Variants in MROH2B observed in about 807,000 individuals in gnomAD.
The protein encoded by MROH2B is maestro heat-like repeat-containing protein family member 2B.
Under a neutral mutation model 208.6 loss-of-function variants are expected in MROH2B, and 177 were observed. The ratio of observed to expected loss-of-function variants is 0.85; its 90% CI spans 0.75 to 0.96. The LOEUF (loss-of-function observed/expected upper bound fraction) is 0.96. MROH2B is among the 40% of genes least tolerant of loss of function. MROH2B has a pLI of 0.00. For missense variants in MROH2B, 2,002 were observed against 1,878.7 expected (o/e 1.07, Z -1.21); for synonymous variants, 728 against 659.0 (o/e 1.10, Z -1.60).
At chr5:41,025,158 C>A (rs187592760) in intron 24 of MROH2B, among the ~76,000 whole-genome samples, 23 of 151,794 alleles carry the variant, frequency 1.5e-4, no homozygotes, top group Admixed American at 8.6e-4. Flanking sequence ...TTCAAAAGCT[C>A]GCAGAAGGCA....
At chr5:41,061,485 G>T in intron 6 of MROH2B, 85 bp downstream of exon 6, 3 of 1,215,138 alleles carry the variant, frequency 2.5e-6, no homozygotes, top group South Asian at 4.6e-5. Flanking sequence ...AAAATACTGA[G>T]CCTAATTATC....
At chr5:40,999,055 A>G (rs1741303434) in intron 40 of MROH2B, among the ~76,000 whole-genome samples, 1 of 152,200 alleles carries the variant, frequency 6.6e-6, no homozygotes, top group South Asian at 2.1e-4. Flanking sequence ...ATTTGGCCTT[A>G]AAGGTGGTGA....
chr5:41,069,355 T>C (rs1234534429), intron 2 of MROH2B, among the ~76,000 whole-genome samples: 4 of 152,216 alleles, frequency 2.6e-5, no homozygotes, highest in African/African-American at 9.6e-5. Context: ...GAAGAGCTTT[T>C]GGGATTTTTG....
chr5:41,042,016 G>T, intron 19 of MROH2B, 76 bp downstream of exon 19: 1 of 697,874 alleles, frequency 1.4e-6, no homozygotes, highest in Non-Finnish European at 2.4e-6. Flanking sequence ...TATTATAAAA[G>T]CTGTCAGAGG....
rs751753945 is a variant in MROH2B, at chr5:41,048,354, G to A, written c.1654C>T (p.Arg552Cys). The A allele has an allele frequency of 9.9e-6, 16 of 1,613,256 alleles. No individual in the cohort carries two copies. The highest frequency in any genetic ancestry group is 1.3e-5 in the Non-Finnish European group (15 of 1,179,596). ...AGAGGCTGCAGAAGCTCAGGTAAAC[G>A]TGTTTTCCATAGGTCTACCAATTTT... ...HPKLVDLWKT[R>C]LPELLQPLEG... Residue 552 changes from arginine (R) to cysteine (C), a missense_variant, in exon 16 of 42, where the codon CGT becomes TGT. Arg to Cys is a radical substitution (Grantham distance 180). Coordinates refer to ENST00000399564, the MANE Select transcript of MROH2B (RefSeq NM_173489.5).
chr5:41,014,089 C>T (rs1416611229), intron 29 of MROH2B, among the ~76,000 whole-genome samples: 5 of 152,144 alleles, frequency 3.3e-5, no homozygotes, highest in Non-Finnish European at 7.3e-5. Flanking sequence ...GGAATATGAG[C>T]CCCGTCCTCA....
At chr5:41,023,413 G>A (rs1036651959) in intron 24 of MROH2B, among the ~76,000 whole-genome samples, 13 of 152,158 alleles carry the variant, frequency 8.5e-5, no homozygotes, top group African/African-American at 2.2e-4. Flanking sequence ...TTCAGTAGCC[G>A]ATTCGATCAA....
chr5:41,052,917 G>T (rs1743328660), intron 11 of MROH2B, among the ~76,000 whole-genome samples: 1 of 152,142 alleles, frequency 6.6e-6, no homozygotes, highest in Non-Finnish European at 1.5e-5. Context: ...TGCTCAAAAA[G>T]TTTTGGATTT....
chr5:41,023,189 G>A (rs1223676775), intron 24 of MROH2B, among the ~76,000 whole-genome samples: 3 of 152,188 alleles, frequency 2.0e-5, no homozygotes, highest in African/African-American at 4.8e-5. Context: ...AAAGCTGGAC[G>A]GAGAATGACT....
intron 23 of MROH2B, 91 bp from the exon 24 acceptor site, chr5:41,032,912 TG>T (rs761882865): frequency 3.4e-5 from 52 of 1,550,038 alleles, no homozygotes; most frequent in Admixed American, 9.6e-5. Flanking sequence ...TTGGGTGCCC[TG>T]GGTCATAAAC....
chr5:41,045,451 A>G (rs1332568369), intron 18 of MROH2B, among the ~76,000 whole-genome samples: 3 of 152,114 alleles, frequency 2.0e-5, no homozygotes, highest in Non-Finnish European at 4.4e-5. Context: ...TCCAGTATCT[A>G]TTCTTCTTCC....
intron 6 of MROH2B, among the ~76,000 whole-genome samples, chr5:41,060,446 G>A (rs1472859431): frequency 6.6e-6 from 1 of 152,018 alleles, no homozygotes; most frequent in African/African-American, 2.4e-5. Context: ...CATCTTTCTG[G>A]TTTCATTTCT....
chr5:41,055,704 A>G, intron 10 of MROH2B, 38 bp downstream of exon 10: 6 of 1,522,294 alleles, frequency 3.9e-6, no homozygotes, highest in East Asian at 2.3e-5. Context: ...GCTTCTTGGC[A>G]TGAAATAAAC....
chr5:40,998,480 A>T, intron 41 of MROH2B, 132 bp downstream of exon 41: 1 of 731,242 alleles, frequency 1.4e-6, no homozygotes, highest in Non-Finnish European at 2.3e-6. Context: ...TCTAGTGTCT[A>T]GAGAGCATCA....
At chr5:41,055,078 G>GT (rs1743403949) in intron 10 of MROH2B, among the ~76,000 whole-genome samples, 3 of 152,086 alleles carry the variant, frequency 2.0e-5, no homozygotes, top group African/African-American at 7.2e-5. Context: ...AGGTTCCATA[G>GT]TGGTTTCAAT....
chr5:41,015,154 T>C (rs1189206251), intron 29 of MROH2B, among the ~76,000 whole-genome samples: 1 of 152,186 alleles, frequency 6.6e-6, no homozygotes, highest in Non-Finnish European at 1.5e-5. Context: ...ACCCACAGCA[T>C]CCCACATTTT....
chr5:41,025,453 T>C (rs545371006), intron 24 of MROH2B, among the ~76,000 whole-genome samples: 58 of 152,292 alleles, frequency 3.8e-4, no homozygotes, highest in African/African-American at 1.4e-3. Flanking sequence ...GATAAATTCC[T>C]GAACACACAC....
chr5:41,062,146 T>C (rs1173344486), intron 5 of MROH2B, among the ~76,000 whole-genome samples: 1 of 151,990 alleles, frequency 6.6e-6, no homozygotes, highest in Non-Finnish European at 1.5e-5. Flanking sequence ...TAAAAGTTTG[T>C]ACAAGAATGC....
chr5:41,057,442 T>C (rs1169503041), intron 7 of MROH2B, 82 bp from the exon 8 acceptor site: 25 of 1,103,768 alleles, frequency 2.3e-5, no homozygotes, highest in Non-Finnish European at 3.3e-5. Context: ...TAATTGTGTT[T>C]TGAGAGAAAA....
Sources: gnomAD v4.1 joint callset for allele counts (sites outside exome capture counted in the v4.1 genomes callset) on GRCh38, gnomAD v4.1.1 for gene constraint, MANE v1.5 for transcripts, NCBI Gene and HGNC (gene_info 2026-07-23, HGNC 2026-07-21) for gene names.